Variants in SUPT3H observed in about 807,000 individuals in gnomAD.
SUPT3H encodes the protein SPT3 homolog, SAGA and STAGA complex component.
In SUPT3H, 44 loss-of-function variants were observed where a neutral mutation model predicts 44.3. The observed-to-expected ratio is 0.99, with a 90% CI of 0.78 to 1.28. SUPT3H has a LOEUF of 1.28. Ranked by LOEUF, SUPT3H falls within the 50% of genes most tolerant of loss-of-function variation. The pLI is 0.00. For missense variants in SUPT3H, 380 were observed against 387.1 expected, an observed-to-expected ratio of 0.98 and a Z score of 0.15; for synonymous variants, 124 against 125.6, an observed-to-expected ratio of 0.99 and a Z score of 0.09.
At chr6:44,968,895 T>C (rs1254113009) in intron 6 of SUPT3H, among the ~76,000 whole-genome samples, 2 of 152,140 alleles carry the variant, frequency 1.3e-5, no homozygotes, top group Admixed American at 6.6e-5. Flanking sequence ...GCACACATTG[T>C]TCTCACTAAA....
chr6:44,944,762 C>CAAAAAAAAAAAAAAAAAAAAAAAAAAA (rs57506313), intron 9 of SUPT3H, among the ~76,000 whole-genome samples: 9 of 29,888 alleles, frequency 3.0e-4, no homozygotes, highest in Admixed American at 5.4e-4. Context: ...ACCCTCTCTC[C>CAAAAAAAAAAAAAAAAAAAAAAAAAAA]AAAAAAAAAA....
At chr6:44,835,206 C>CAAAT (rs1323676737) in intron 10 of SUPT3H, among the ~76,000 whole-genome samples, 1 of 152,002 alleles carries the variant, frequency 6.6e-6, no homozygotes, top group Non-Finnish European at 1.5e-5. Flanking sequence ...TTGGGTTGAG[C>CAAAT]AAATAATATG....
At chr6:45,210,174 A>T (rs533257572) in intron 2 of SUPT3H, among the ~76,000 whole-genome samples, 1 of 152,360 alleles carries the variant, frequency 6.6e-6, no homozygotes, top group East Asian at 1.9e-4. Context: ...AAGGGAAAAG[A>T]CAAGTTGGAG....
At chr6:45,171,105 A>G (rs1251918022) in intron 2 of SUPT3H, among the ~76,000 whole-genome samples, 2 of 152,210 alleles carry the variant, frequency 1.3e-5, no homozygotes, top group African/African-American at 4.8e-5. Context: ...AAAATGTTAT[A>G]AGCATGTTAG....
At chr6:45,341,037 A>G (rs896918959) in intron 2 of SUPT3H, among the ~76,000 whole-genome samples, 1 of 152,208 alleles carries the variant, frequency 6.6e-6, no homozygotes. Flanking sequence ...GATATTCACA[A>G]AAATCCACTA....
chr6:44,823,090 A>G (rs1767464578), downstream of SUPT3H, among the ~76,000 whole-genome samples: 1 of 140,446 alleles, frequency 7.1e-6, no homozygotes, highest in Non-Finnish European at 1.5e-5. Context: ...CAATAGAATG[A>G]GACTCCGTTT....
At chr6:45,266,045 ATTT>A (rs576728742) in intron 2 of SUPT3H, among the ~76,000 whole-genome samples, 22 of 152,146 alleles carry the variant, frequency 1.4e-4, no homozygotes, top group African/African-American at 5.3e-4. Context: ...TACCACCACG[ATTT>A]TTTATTTTTA....
At chr6:44,927,263 G>T (rs569495250) in intron 10 of SUPT3H, among the ~76,000 whole-genome samples, 3 of 152,094 alleles carry the variant, frequency 2.0e-5, no homozygotes, top group Non-Finnish European at 2.9e-5. Flanking sequence ...TATATACAAA[G>T]AAAAAGGGCA....
intron 2 of SUPT3H, among the ~76,000 whole-genome samples, chr6:45,165,964 G>A (rs924445520): frequency 1.3e-5 from 2 of 152,140 alleles, no homozygotes; most frequent in African/African-American, 4.8e-5. Flanking sequence ...GATAAAAGAC[G>A]TGTATCTAGA....
intron 2 of SUPT3H, among the ~76,000 whole-genome samples, chr6:45,177,982 C>G (rs952841058): frequency 6.6e-6 from 1 of 152,064 alleles, no homozygotes; most frequent in Non-Finnish European, 1.5e-5. Flanking sequence ...AATGTAAAGA[C>G]CATGGGGACT....
At chr6:45,322,871 T>G in intron 2 of SUPT3H, 1 of 1,610,490 alleles carries the variant, frequency 6.2e-7, no homozygotes, top group East Asian at 2.2e-5. Context: ...GGAGAGCCTC[T>G]GTCTCACCTG....
chr6:45,023,747 T>C (rs1355371667), intron 3 of SUPT3H, among the ~76,000 whole-genome samples: 1 of 151,822 alleles, frequency 6.6e-6, no homozygotes, highest in Non-Finnish European at 1.5e-5. Context: ...ACATAGACAC[T>C]GGGGCCTACT....
chr6:44,969,645 G>A lies in SUPT3H; in HGVS notation c.505-7817C>T, dbSNP rs555705059. ...CACACATACGCACACAAAGGAGAAC[G>A]TCATGCAATATTTAAGGGACCGACT... On this transcript the variant is annotated intron_variant, in intron 6 of 10. Transcript: ENST00000371459. Among the ~76,000 whole-genome samples, 36 of 152,212 alleles carry A rather than the reference G, an allele frequency of 2.4e-4. No individual in the cohort carries two copies. In the East Asian group the frequency reaches 4.2e-3, roughly 18 times the overall value.
chr6:45,351,814 T>C lies in SUPT3H; in HGVS notation c.101+13387A>G, dbSNP rs76941713. Among the ~76,000 whole-genome samples the C allele has an allele frequency of 6.2e-3, 945 of 152,196 alleles. 18 individuals are homozygous for C. Among genetic ancestry groups the C allele is most frequent in the African/African-American group, 0.022 (894 of 41,538 alleles). On this transcript the variant is annotated intron_variant, in intron 2 of 10. Coordinates refer to ENST00000371459, the MANE Select transcript of SUPT3H (RefSeq NM_003599.4). ...CTTCAAATACCTAAATTAACCCAATTATCTTTCTTTCCCAGCCCTATGCCC... is the reference window on the plus strand; with the variant it reads ...CTTCAAATACCTAAATTAACCCAATCATCTTTCTTTCCCAGCCCTATGCCC...
In SUPT3H at chr6:44,948,738, A is replaced by G. The variant is rs1455743625; in HGVS notation, c.801+4572T>C. ...ATGGCAATCATTAAAAAGTCAGGAA[A>G]CAACAGGTGCTGGAGAGGATGTGGA... On this transcript the variant is annotated intron_variant, in intron 9 of 10. Coordinates refer to ENST00000371459, the MANE Select transcript of SUPT3H (RefSeq NM_003599.4). 1.3e-4 allele frequency among the ~76,000 whole-genome samples: 20 copies of G among 152,170 alleles called. No individual in the cohort carries two copies. In the East Asian group the frequency reaches 3.9e-3, roughly 29 times the overall value.
chr6:45,199,303 A>G (rs1762106096), intron 2 of SUPT3H, among the ~76,000 whole-genome samples: 1 of 151,298 alleles, frequency 6.6e-6, no homozygotes, highest in African/African-American at 2.4e-5. Flanking sequence ...ATTTTATTAT[A>G]CCCTTCAGAA....
In SUPT3H at chr6:45,009,652, CCATTT is replaced by C. The variant is rs1380727157; in HGVS notation, c.364+5144_364+5148del. ...CTCATTACTGAACTCTCATTCCATT[CCATTT>C]CATTGACAAATATGTCTACACTTAT... On this transcript the variant is annotated intron_variant, in intron 5 of 10. Coordinates refer to ENST00000371459, the MANE Select transcript of SUPT3H (RefSeq NM_003599.4). Among the ~76,000 whole-genome samples, 2 of 152,164 alleles carry C rather than the reference CCATTT, an allele frequency of 1.3e-5. 1 individual carries two copies.
chr6:44,959,953 A>G (rs935374530), intron 7 of SUPT3H, among the ~76,000 whole-genome samples: 1 of 152,134 alleles, frequency 6.6e-6, no homozygotes, highest in African/African-American at 2.4e-5. Context: ...CAACCACAGT[A>G]TTTTGCCATA....
intron 2 of SUPT3H, among the ~76,000 whole-genome samples, chr6:45,247,501 G>A (rs1315071482): frequency 6.6e-6 from 1 of 152,056 alleles, no homozygotes; most frequent in Admixed American, 6.6e-5. Flanking sequence ...GGTACCATGT[G>A]CCTACATGAC....
Sources: gnomAD v4.1 joint callset for allele counts (sites outside exome capture counted in the v4.1 genomes callset) on GRCh38, gnomAD v4.1.1 for gene constraint, MANE v1.5 for transcripts, NCBI Gene and HGNC (gene_info 2026-07-23, HGNC 2026-07-21) for gene names.